LRP1B: variants seen among roughly 807,000 people sequenced by gnomAD.
LRP1B encodes the protein low-density lipoprotein receptor-related protein 1B.
A neutral mutation model predicts 556.6 loss-of-function variants in LRP1B; 217 were observed. The observed-to-expected ratio is 0.39, with a 90% CI of 0.35 to 0.44. LRP1B has a LOEUF of 0.44. LRP1B is among the 20% of genes least tolerant of loss of function. The probability of loss-of-function intolerance (pLI) is 1.00; values close to 1 mark genes in which losing one functional copy is unlikely to be tolerated. For missense variants in LRP1B, 5,053 were observed against 5,620.8 expected, an observed-to-expected ratio of 0.90 and a Z score of 3.23; for synonymous variants, 2,047 against 1,865.8, an observed-to-expected ratio of 1.10 and a Z score of -2.50.
intron 1 of LRP1B, among the ~76,000 whole-genome samples, chr2:142,038,286 T>A (rs1703954314): frequency 6.6e-6 from 1 of 151,544 alleles, no homozygotes; most frequent in Non-Finnish European, 1.5e-5. Flanking sequence ...GTGGGTTTGG[T>A]CCCCGATGTA....
intron 41 of LRP1B, among the ~76,000 whole-genome samples, chr2:140,666,667 A>C (rs1371311812): frequency 1.3e-5 from 2 of 152,252 alleles, no homozygotes; most frequent in Non-Finnish European, 2.9e-5. Context: ...ATTACTTTTA[A>C]AAAACAACTC....
At chr2:141,361,067 A>C (rs1460015419) in intron 3 of LRP1B, among the ~76,000 whole-genome samples, 1 of 152,182 alleles carries the variant, frequency 6.6e-6, no homozygotes, top group East Asian at 1.9e-4. Context: ...TAGGTAATGG[A>C]TGCTAAAAGG....
chr2:141,574,125 A>G (rs894944971), intron 2 of LRP1B, among the ~76,000 whole-genome samples: 9 of 152,106 alleles, frequency 5.9e-5, no homozygotes, highest in Admixed American at 3.3e-4. Context: ...TACCAAAACC[A>G]GGAAGAGACA....
intron 1 of LRP1B, among the ~76,000 whole-genome samples, chr2:141,954,869 T>C (rs546812504): frequency 6.6e-6 from 1 of 152,250 alleles, no homozygotes; most frequent in African/African-American, 2.4e-5. Context: ...TTATGACATG[T>C]TTTAGTTCTT....
rs1697882278 is a variant in LRP1B, at chr2:141,015,742, T to A, written c.2144A>T (p.Tyr715Phe). Residue 715 changes from tyrosine to phenylalanine, a missense_variant, in exon 13 of 91, where the codon TAT becomes TTT. Physicochemically the swap from Tyr to Phe is conservative, Grantham distance 22 (BLOSUM62 3). This residue lies in a region of LRP1B where 3,619 missense variants were observed against 3,931.9 expected (regional missense o/e 0.92). Transcript: ENST00000389484. ...AAATACTTTTTCAATATGATCGTAATAGGCATCACACCAGTATAATGTGTT... is the reference window on the plus strand; with the variant it reads ...AAATACTTTTTCAATATGATCGTAAAAGGCATCACACCAGTATAATGTGTT... ...HTNTLYWCDA[Y>F]YDHIEKVFLN... 1.8e-5 allele frequency: 29 copies of A among 1,613,250 alleles called. No homozygotes were observed. The highest frequency in any genetic ancestry group is 2.5e-5 in the Non-Finnish European group (29 of 1,179,656).
chr2:141,228,338 G>A (rs1296730830), intron 6 of LRP1B, among the ~76,000 whole-genome samples: 1 of 152,184 alleles, frequency 6.6e-6, no homozygotes, highest in Non-Finnish European at 1.5e-5. Flanking sequence ...AGCAATTTTT[G>A]TACTCCCATG....
intron 2 of LRP1B, among the ~76,000 whole-genome samples, chr2:141,592,541 T>C (rs941296552): frequency 2.6e-5 from 4 of 152,134 alleles, no homozygotes; most frequent in African/African-American, 4.8e-5. Flanking sequence ...ATATATGAAG[T>C]TGGGGGACAC....
chr2:140,946,565 C>A (rs1446660226), intron 20 of LRP1B, among the ~76,000 whole-genome samples: 2 of 152,116 alleles, frequency 1.3e-5, no homozygotes. Flanking sequence ...CATGCCACTG[C>A]ACTCCAGCTT....
intron 86 of LRP1B, among the ~76,000 whole-genome samples, chr2:140,260,336 TTC>T (rs1338655525): frequency 6.6e-6 from 1 of 151,878 alleles, no homozygotes; most frequent in Non-Finnish European, 1.5e-5. Context: ...TTGTATTTTC[TTC>T]TGTTTTTAAA....
intron 33 of LRP1B, among the ~76,000 whole-genome samples, chr2:140,774,290 C>A (rs1042057280): frequency 2.0e-5 from 3 of 152,030 alleles, no homozygotes; most frequent in Non-Finnish European, 2.9e-5. Flanking sequence ...TGCTAGAGGT[C>A]CTTGTTCATT....
At chr2:142,005,916 A>G (rs953197743) in intron 1 of LRP1B, among the ~76,000 whole-genome samples, 3 of 151,928 alleles carry the variant, frequency 2.0e-5, no homozygotes, top group Admixed American at 1.3e-4. Context: ...AAAGAAAAAA[A>G]ACTGCATATT....
chr2:140,263,392 C>T (rs1022806806), intron 86 of LRP1B, among the ~76,000 whole-genome samples: 10 of 152,198 alleles, frequency 6.6e-5, no homozygotes, highest in Non-Finnish European at 1.0e-4. Context: ...ACCCATAATC[C>T]TTTATAGCAA....
chr2:140,706,180 C>A (rs1481111877), intron 37 of LRP1B, among the ~76,000 whole-genome samples: 2 of 152,046 alleles, frequency 1.3e-5, no homozygotes, highest in African/African-American at 2.4e-5. Context: ...TGGTTTTTGA[C>A]CAGTAGGTTC....
chr2:141,233,525 A>G (rs554755756), intron 5 of LRP1B, among the ~76,000 whole-genome samples: 1 of 152,296 alleles, frequency 6.6e-6, no homozygotes, highest in Admixed American at 6.5e-5. Flanking sequence ...GAAAAGAGAA[A>G]CTTGGAAAGG....
intron 58 of LRP1B, 80 bp downstream of exon 58, chr2:140,487,537 G>C (rs1385971204): frequency 3.7e-6 from 5 of 1,339,130 alleles, no homozygotes; most frequent in Non-Finnish European, 4.2e-6. Context: ...TAATATCATG[G>C]TCATAAAATA....
intron 2 of LRP1B, among the ~76,000 whole-genome samples, chr2:141,510,359 GTC>G (rs1388139283): frequency 6.6e-6 from 1 of 151,740 alleles, no homozygotes; most frequent in African/African-American, 2.4e-5. Flanking sequence ...CAAAAATGCC[GTC>G]TCTCTCAAAA....
intron 43 of LRP1B, among the ~76,000 whole-genome samples, chr2:140,575,555 C>T (rs1288942588): frequency 6.6e-6 from 1 of 152,074 alleles, no homozygotes; most frequent in Non-Finnish European, 1.5e-5. Context: ...TGGTTACTTT[C>T]AATATTCTCT....
At chr2:141,041,739 G>C (rs1698706239) in intron 11 of LRP1B, among the ~76,000 whole-genome samples, 1 of 151,972 alleles carries the variant, frequency 6.6e-6, no homozygotes, top group African/African-American at 2.4e-5. Context: ...GATTCTGAAT[G>C]GTCACAACAT....
At chr2:141,280,956 T>G (rs1302896316) in intron 3 of LRP1B, among the ~76,000 whole-genome samples, 3 of 151,984 alleles carry the variant, frequency 2.0e-5, no homozygotes, top group Admixed American at 1.3e-4. Context: ...ATTTATATTT[T>G]CATAAATTTG....
Sources: gnomAD v4.1 joint callset for allele counts (sites outside exome capture counted in the v4.1 genomes callset) on GRCh38, gnomAD v4.1.1 for gene constraint, gnomAD v4.1.1 regional missense constraint, MANE v1.5 for transcripts, NCBI Gene and HGNC (gene_info 2026-07-23, HGNC 2026-07-21) for gene names.